Variants in SH3RF3 observed in about 807,000 individuals in gnomAD.
SH3RF3 encodes E3 ubiquitin-protein ligase SH3RF3.
SH3RF3 carries 29 observed loss-of-function variants against 66.3 expected under a neutral mutation model. The observed-to-expected ratio is 0.44, with a 90% CI of 0.33 to 0.60. The LOEUF (loss-of-function observed/expected upper bound fraction) is 0.60, where lower values mean the gene tolerates loss of function less well. Among genes scored for constraint, SH3RF3 ranks in the 20% least tolerant of loss-of-function variants. The pLI, the probability that SH3RF3 is intolerant of heterozygous loss-of-function variation, is 0.04. For missense variants in SH3RF3, 1,194 were observed against 1,190.9 expected (o/e 1.00, Z -0.04); for synonymous variants, 583 against 532.0 (o/e 1.10, Z -1.32).
intron 1 of SH3RF3, among the ~76,000 whole-genome samples, chr2:109,280,275 C>T (rs528142695): frequency 3.9e-5 from 6 of 152,288 alleles, no homozygotes; most frequent in African/African-American, 4.8e-5. Flanking sequence ...TGGAAGGAAA[C>T]GCAGAGGCCT....
chr2:109,316,483 C>A (rs75177243), intron 1 of SH3RF3, among the ~76,000 whole-genome samples: 1 of 152,036 alleles, frequency 6.6e-6, no homozygotes, highest in South Asian at 2.1e-4. Context: ...ACAAGGTAGC[C>A]CATGACATGG....
chr2:109,388,846 G>T (rs1366323857), intron 3 of SH3RF3, among the ~76,000 whole-genome samples: 3 of 151,244 alleles, frequency 2.0e-5, no homozygotes, highest in African/African-American at 7.3e-5. Flanking sequence ...AGAGAGAAGG[G>T]GGTATAGAGA....
At chr2:109,152,856 A>G (rs1036040650) in intron 1 of SH3RF3, among the ~76,000 whole-genome samples, 5 of 152,032 alleles carry the variant, frequency 3.3e-5, no homozygotes, top group African/African-American at 9.7e-5. Flanking sequence ...CTGTCTTTCA[A>G]ACTTTAAGAG....
At chr2:109,354,797 G>A (rs1457196172) in intron 2 of SH3RF3, among the ~76,000 whole-genome samples, 1 of 152,214 alleles carries the variant, frequency 6.6e-6, no homozygotes, top group East Asian at 1.9e-4. Context: ...CTCCCCAGGT[G>A]GAAGTGAAAA....
intron 1 of SH3RF3, among the ~76,000 whole-genome samples, chr2:109,323,512 C>T (rs1174233352): frequency 6.6e-6 from 1 of 152,240 alleles, no homozygotes; most frequent in Non-Finnish European, 1.5e-5. Context: ...CATGCTGTCC[C>T]TCTCCAGGAA....
intron 1 of SH3RF3, among the ~76,000 whole-genome samples, chr2:109,287,497 A>G (rs1417387290): frequency 6.6e-6 from 1 of 152,208 alleles, no homozygotes; most frequent in Non-Finnish European, 1.5e-5. Context: ...TGAGAGCACC[A>G]GGTTGGGACA....
chr2:109,213,763 C>A (rs972262390), intron 1 of SH3RF3, among the ~76,000 whole-genome samples: 4 of 152,146 alleles, frequency 2.6e-5, no homozygotes, highest in Non-Finnish European at 4.4e-5. Context: ...TAAATAGGAA[C>A]GTGACGTGGT....
At chr2:109,278,932 G>A (rs1680820897) in intron 1 of SH3RF3, among the ~76,000 whole-genome samples, 1 of 152,196 alleles carries the variant, frequency 6.6e-6, no homozygotes, top group Non-Finnish European at 1.5e-5. Flanking sequence ...GGCTCCGTGA[G>A]AATGTCTACT....
chr2:109,157,601 C>G (rs1310287662), intron 1 of SH3RF3, among the ~76,000 whole-genome samples: 1 of 152,194 alleles, frequency 6.6e-6, no homozygotes, highest in Non-Finnish European at 1.5e-5. Flanking sequence ...GAGATTGGAA[C>G]TTGGGCTTCC....
intron 1 of SH3RF3, among the ~76,000 whole-genome samples, chr2:109,275,643 A>G (rs1158438542): frequency 2.0e-5 from 3 of 152,130 alleles, no homozygotes; most frequent in African/African-American, 7.2e-5. Context: ...TGCACTTCCA[A>G]GTTCAAGGAT....
chr2:109,211,513 A>G (rs1265641862), intron 1 of SH3RF3, among the ~76,000 whole-genome samples: 1 of 152,216 alleles, frequency 6.6e-6, no homozygotes, highest in African/African-American at 2.4e-5. Context: ...CCAGTCTTCC[A>G]GGTATCCAGT....
At chr2:109,416,406 C>CT (rs1676724193) in intron 4 of SH3RF3, among the ~76,000 whole-genome samples, 1 of 152,036 alleles carries the variant, frequency 6.6e-6, no homozygotes, top group Admixed American at 6.5e-5. Context: ...ACTAGCCTGG[C>CT]CAACATGGCG....
At chr2:109,182,019 C>T (rs1678086203) in intron 1 of SH3RF3, among the ~76,000 whole-genome samples, 1 of 151,964 alleles carries the variant, frequency 6.6e-6, no homozygotes, top group Non-Finnish European at 1.5e-5. Flanking sequence ...TTTTGAACTT[C>T]AAAAAAATTA....
At chr2:109,343,538 TG>T (rs1682605450) in intron 1 of SH3RF3, among the ~76,000 whole-genome samples, 1 of 152,194 alleles carries the variant, frequency 6.6e-6, no homozygotes. Flanking sequence ...CTTCTCCTCC[TG>T]GCTCACCAGC....
chr2:109,309,409 G>A (rs200700464), intron 1 of SH3RF3, among the ~76,000 whole-genome samples: 22,868 of 118,572 alleles, frequency 0.19, 3,443 homozygotes, highest in African/African-American at 0.39. Flanking sequence ...GCCAAAATGT[G>A]AAGACCATTG....
intron 1 of SH3RF3, among the ~76,000 whole-genome samples, chr2:109,319,734 G>A (rs965620259): frequency 6.6e-6 from 1 of 152,224 alleles, no homozygotes; most frequent in African/African-American, 2.4e-5. Flanking sequence ...GGTGCAGCCT[G>A]CCTGCCCCCA....
intron 1 of SH3RF3, among the ~76,000 whole-genome samples, chr2:109,181,206 T>C (rs1678065650): frequency 1.3e-5 from 2 of 152,278 alleles, no homozygotes; most frequent in Admixed American, 6.5e-5. Context: ...TTGGGAATGA[T>C]CTTAGGTTTA....
chr2:109,238,704 G>A (rs1382317952), intron 1 of SH3RF3, among the ~76,000 whole-genome samples: 1 of 152,182 alleles, frequency 6.6e-6, no homozygotes, highest in Admixed American at 6.5e-5. Context: ...ACAGAGGACC[G>A]GATGCCCTTG....
At chr2:109,430,933 G>T (rs1338653176) in intron 5 of SH3RF3, among the ~76,000 whole-genome samples, 1 of 152,212 alleles carries the variant, frequency 6.6e-6, no homozygotes, top group Non-Finnish European at 1.5e-5. Flanking sequence ...ATCAACAAAG[G>T]AAATAGCCAA....
Sources: gnomAD v4.1 joint callset for allele counts (sites outside exome capture counted in the v4.1 genomes callset) on GRCh38, gnomAD v4.1.1 for gene constraint, MANE v1.5 for transcripts, NCBI Gene and HGNC (gene_info 2026-07-23, HGNC 2026-07-21) for gene names.